Variants in RAB38 observed in about 807,000 individuals in gnomAD.
The protein encoded by RAB38 is ras-related protein Rab-38.
Under a neutral mutation model 18.4 loss-of-function variants are expected in RAB38, and 15 were observed. The ratio of observed to expected loss-of-function variants is 0.82; its 90% CI spans 0.55 to 1.26. The LOEUF is 1.26. Ranked by LOEUF, RAB38 falls within the 50% of genes most tolerant of loss-of-function variation. The pLI is 0.00. For missense variants in RAB38, 294 were observed against 267.4 expected, an observed-to-expected ratio of 1.10 and a Z score of -0.69; for synonymous variants, 101 against 104.4, an observed-to-expected ratio of 0.97 and a Z score of 0.20.
At chr11:87,813,049 C>T in the RAB38 span, among the ~76,000 whole-genome samples, 10,870 of 152,204 alleles carry the variant, frequency 0.071, 462 homozygotes, top group African/African-American at 0.11. Context: ...CACAGCCAAA[C>T]AGGATTTTTT....
At chr11:87,836,433 T>A in the RAB38 span, among the ~76,000 whole-genome samples, 1 of 152,188 alleles carries the variant, frequency 6.6e-6, no homozygotes. Context: ...GTTCAATTAA[T>A]CATGGTGTGC....
chr11:88,081,625 G>A, the RAB38 span, among the ~76,000 whole-genome samples: 5 of 151,796 alleles, frequency 3.3e-5, no homozygotes, highest in African/African-American at 1.2e-4. Context: ...TCTCCCCTCT[G>A]TGTCGCTGTG....
the RAB38 span, among the ~76,000 whole-genome samples, chr11:87,968,343 G>A: frequency 9.9e-5 from 15 of 152,086 alleles, no homozygotes; most frequent in African/African-American, 3.4e-4. Flanking sequence ...GACTCAAGGT[G>A]TGGCTGGGCA....
chr11:88,142,677 C>T (rs1317812817), intron 2 of RAB38, among the ~76,000 whole-genome samples: 1 of 152,202 alleles, frequency 6.6e-6, no homozygotes, highest in East Asian at 1.9e-4. Flanking sequence ...TATGTTTCTT[C>T]TCTCACATCC....
intron 2 of RAB38, among the ~76,000 whole-genome samples, chr11:88,116,111 C>T (rs1253285465): frequency 6.6e-6 from 1 of 152,216 alleles, no homozygotes; most frequent in Non-Finnish European, 1.5e-5. Context: ...CTAAGGGTCA[C>T]ACCTGAACTC....
At chr11:87,976,181 T>G in the RAB38 span, among the ~76,000 whole-genome samples, 1 of 147,684 alleles carries the variant, frequency 6.8e-6, no homozygotes, top group Non-Finnish European at 1.5e-5. Context: ...TAGGTATATA[T>G]AGGTATATTT....
the RAB38 span, among the ~76,000 whole-genome samples, chr11:87,855,025 G>T: frequency 6.6e-6 from 1 of 152,072 alleles, no homozygotes; most frequent in East Asian, 1.9e-4. Flanking sequence ...TCGATCTCCT[G>T]ACGTCGTGAT....
chr11:88,006,244 A>T, the RAB38 span, among the ~76,000 whole-genome samples: 4 of 151,704 alleles, frequency 2.6e-5, no homozygotes, highest in East Asian at 5.8e-4. Context: ...CTCCAGTCAG[A>T]ATGACAATTT....
chr11:87,947,296 T>C, the RAB38 span, among the ~76,000 whole-genome samples: 1 of 152,166 alleles, frequency 6.6e-6, no homozygotes, highest in Non-Finnish European at 1.5e-5. Context: ...TAGCTCTTTG[T>C]CAGATGAGTA....
At chr11:88,040,126 C>T in the RAB38 span, among the ~76,000 whole-genome samples, 2 of 152,196 alleles carry the variant, frequency 1.3e-5, no homozygotes, top group South Asian at 4.1e-4. Flanking sequence ...ACAACCTTTG[C>T]TGTGTTAATT....
the RAB38 span, among the ~76,000 whole-genome samples, chr11:87,861,246 CA>C: frequency 1.3e-5 from 2 of 152,026 alleles, no homozygotes; most frequent in East Asian, 3.9e-4. Flanking sequence ...ACACCATACA[CA>C]TCTCAGTTGG....
chr11:88,122,938 C>A (rs1346941546), intron 2 of RAB38, among the ~76,000 whole-genome samples: 1 of 152,206 alleles, frequency 6.6e-6, no homozygotes, highest in African/African-American at 2.4e-5. Context: ...TTGCCACTTA[C>A]TGTTAAACAA....
downstream of RAB38, among the ~76,000 whole-genome samples, chr11:88,110,798 A>G (rs1942463997): frequency 6.8e-6 from 1 of 147,438 alleles, no homozygotes; most frequent in African/African-American, 2.6e-5. Flanking sequence ...TGGGCAATAC[A>G]GTGAGACTCC....
At chr11:87,829,525 G>A in the RAB38 span, among the ~76,000 whole-genome samples, 1 of 152,064 alleles carries the variant, frequency 6.6e-6, no homozygotes, top group Non-Finnish European at 1.5e-5. Context: ...CAAGAGCAGG[G>A]AGAACTGCCT....
chr11:87,944,294 T>A, the RAB38 span, among the ~76,000 whole-genome samples: 6 of 152,120 alleles, frequency 3.9e-5, no homozygotes, highest in Non-Finnish European at 8.8e-5. Context: ...ACAAAAAGCA[T>A]TATCTGCAAA....
the RAB38 span, among the ~76,000 whole-genome samples, chr11:88,032,987 A>T: frequency 1.3e-5 from 2 of 152,356 alleles, no homozygotes; most frequent in East Asian, 3.9e-4. Context: ...CAAATGTCCA[A>T]CAATGATAGA....
chr11:87,884,978 T>G, the RAB38 span, among the ~76,000 whole-genome samples: 1 of 151,932 alleles, frequency 6.6e-6, no homozygotes, highest in Non-Finnish European at 1.5e-5. Context: ...TACCTTTACA[T>G]TAGATACATC....
chr11:88,171,833 G>A (rs1943314867), intron 1 of RAB38, among the ~76,000 whole-genome samples: 1 of 152,172 alleles, frequency 6.6e-6, no homozygotes, highest in Non-Finnish European at 1.5e-5. Context: ...AGTCTCAAGT[G>A]TGAACTTTTT....
At chr11:88,077,183 G>A in the RAB38 span, among the ~76,000 whole-genome samples, 1 of 151,778 alleles carries the variant, frequency 6.6e-6, no homozygotes, top group Non-Finnish European at 1.5e-5. Flanking sequence ...TCATGGATTA[G>A]AAGAACAAAT....
Sources: gnomAD v4.1 joint callset for allele counts (sites outside exome capture counted in the v4.1 genomes callset) on GRCh38, gnomAD v4.1.1 for gene constraint, MANE v1.5 for transcripts, NCBI Gene and HGNC (gene_info 2026-07-23, HGNC 2026-07-21) for gene names.